Variants in ZSCAN5A observed in about 807,000 individuals in gnomAD.
ZSCAN5A encodes the protein zinc finger and SCAN domain containing 5A, also known as zinc finger and SCAN domain-containing protein 5A.
ZSCAN5A carries 12 observed loss-of-function variants against 23.7 expected under a neutral mutation model. The observed-to-expected ratio is 0.51, with a 90% CI of 0.32 to 0.82. The LOEUF (loss-of-function observed/expected upper bound fraction) is 0.82. ZSCAN5A is among the 40% of genes least tolerant of loss of function. ZSCAN5A has a pLI of 0.03. For missense variants in ZSCAN5A, 597 were observed against 617.9 expected, an observed-to-expected ratio of 0.97 and a Z score of 0.36; for synonymous variants, 257 against 239.9, an observed-to-expected ratio of 1.07 and a Z score of -0.66.
intron 2 of ZSCAN5A, among the ~76,000 whole-genome samples, chr19:56,329,091 G>C (rs914861099): frequency 3.3e-5 from 5 of 152,060 alleles, no homozygotes; most frequent in Non-Finnish European, 7.4e-5. Flanking sequence ...GCTCATACCT[G>C]TAATCCCAGC....
chr19:56,274,643 A>G (rs900041829), intron 2 of ZSCAN5A: 1 of 152,244 alleles, frequency 6.6e-6, no homozygotes, highest in Non-Finnish European at 1.5e-5. Context: ...ACCCAACACC[A>G]GAACAAAACT....
intron 2 of ZSCAN5A, among the ~76,000 whole-genome samples, chr19:56,350,703 T>G (rs763195958): frequency 6.6e-6 from 1 of 152,196 alleles, no homozygotes; most frequent in Non-Finnish European, 1.5e-5. Context: ...TGTCAAACTC[T>G]ACTGTCAGTT....
chr19:56,362,571 AAT>A (rs1240843870), intron 2 of ZSCAN5A, among the ~76,000 whole-genome samples: 4 of 151,628 alleles, frequency 2.6e-5, no homozygotes, highest in African/African-American at 9.7e-5. Flanking sequence ...AATAAAATAA[AAT>A]AAAATAAAAA....
intron 2 of ZSCAN5A, among the ~76,000 whole-genome samples, chr19:56,328,565 C>T (rs1469493711): frequency 6.6e-6 from 1 of 151,396 alleles, no homozygotes; most frequent in Non-Finnish European, 1.5e-5. Flanking sequence ...TCACTTGAAC[C>T]GAGGATTGCA....
At chr19:56,275,579 G>A (rs1044156887) in intron 2 of ZSCAN5A, among the ~76,000 whole-genome samples, 3 of 152,144 alleles carry the variant, frequency 2.0e-5, no homozygotes, top group Admixed American at 2.0e-4. Flanking sequence ...AAAATAGTAA[G>A]AATAAATAAA....
chr19:56,293,291 G>A (rs1271860199), intron 2 of ZSCAN5A, among the ~76,000 whole-genome samples: 2 of 152,136 alleles, frequency 1.3e-5, no homozygotes, highest in African/African-American at 4.8e-5. Context: ...AGGGAGAGTC[G>A]CTTGCTCATG....
intron 2 of ZSCAN5A, among the ~76,000 whole-genome samples, chr19:56,360,439 T>C (rs2041727350): frequency 6.6e-6 from 1 of 152,072 alleles, no homozygotes; most frequent in Admixed American, 6.5e-5. Context: ...CACAAACAAA[T>C]GGAAAAACAT....
chr19:56,281,357 T>TGA (rs66660228), intron 2 of ZSCAN5A, among the ~76,000 whole-genome samples: 1 of 151,942 alleles, frequency 6.6e-6, no homozygotes, highest in Non-Finnish European at 1.5e-5. Context: ...CAACGGTGTG[T>TGA]GTATGTACAC....
chr19:56,332,737 G>A (rs1399389913), intron 2 of ZSCAN5A, among the ~76,000 whole-genome samples: 2 of 152,166 alleles, frequency 1.3e-5, no homozygotes, highest in African/African-American at 4.8e-5. Context: ...TTATTGGGTG[G>A]TTGCTTTATA....
rs903750033 is a variant in ZSCAN5A at position 56,241,711 on chromosome 19, C to T, written c.-127-16538G>A. Reference sequence around the variant, plus strand: ...CATCTCTCCAACTGAAATTTGTACCCTTAGACCTATATCTCCCCAACCCCC... The same window carrying T: ...CATCTCTCCAACTGAAATTTGTACCTTTAGACCTATATCTCCCCAACCCCC... On this transcript the variant is annotated intron_variant, in intron 2 of 5. Transcript: ENST00000683990. Among the ~76,000 whole-genome samples the T allele has an allele frequency of 2.0e-5, 3 of 152,268 alleles. No individual in the cohort carries two copies. In the East Asian group the frequency reaches 5.8e-4, roughly 29 times the overall value.
chr19:56,342,705 G>T (rs2041603203), intron 2 of ZSCAN5A: 3 of 637,950 alleles, frequency 4.7e-6, no homozygotes, highest in Non-Finnish European at 8.7e-6. Flanking sequence ...CTATACATCT[G>T]TTTTTCCTCT....
At chr19:56,244,174 C>G in intron 2 of ZSCAN5A, 3 of 1,611,468 alleles carry the variant, frequency 1.9e-6, no homozygotes, top group East Asian at 2.2e-5. Flanking sequence ...AGACTTGTCA[C>G]GTGAACTTCA....
intron 2 of ZSCAN5A, among the ~76,000 whole-genome samples, chr19:56,232,281 ATAG>A (rs2146502437): frequency 6.6e-6 from 1 of 152,148 alleles, no homozygotes; most frequent in South Asian, 2.1e-4. Flanking sequence ...CAGCCTAGTA[ATAG>A]AATTTTCTAG....
At chr19:56,298,599 G>T (rs2040031650) in intron 2 of ZSCAN5A, among the ~76,000 whole-genome samples, 1 of 151,080 alleles carries the variant, frequency 6.6e-6, no homozygotes, top group East Asian at 1.9e-4. Context: ...GCTGCAGTGA[G>T]CTGAGATCGT....
chr19:56,321,818 T>A, intron 2 of ZSCAN5A: 1 of 1,053,168 alleles, frequency 9.5e-7, no homozygotes, highest in Non-Finnish European at 1.5e-6. Flanking sequence ...CCACCACTTG[T>A]AAACTGGAAG....
At chr19:56,310,715 G>T (rs1249960020) in intron 2 of ZSCAN5A, among the ~76,000 whole-genome samples, 1 of 152,150 alleles carries the variant, frequency 6.6e-6, no homozygotes, top group African/African-American at 2.4e-5. Flanking sequence ...CAGTTGTGAG[G>T]ATATGGCTGT....
chr19:56,299,105 A>G (rs1010680861), intron 2 of ZSCAN5A, among the ~76,000 whole-genome samples: 12 of 152,312 alleles, frequency 7.9e-5, no homozygotes, highest in East Asian at 1.9e-4. Context: ...GTAGATACAG[A>G]AAAAGAATAT....
intron 2 of ZSCAN5A, among the ~76,000 whole-genome samples, chr19:56,276,045 C>T (rs980492663): frequency 2.0e-5 from 3 of 152,216 alleles, no homozygotes; most frequent in Non-Finnish European, 4.4e-5. Context: ...TCTCTCTCTG[C>T]TCCCTGCTCC....
chr19:56,338,729 G>C (rs562268746), intron 2 of ZSCAN5A: 1 of 152,252 alleles, frequency 6.6e-6, no homozygotes, highest in Non-Finnish European at 1.5e-5. Flanking sequence ...TTGGATGAGG[G>C]GGCAAAGGTG....
Sources: allele counts gnomAD v4.1 joint callset (sites outside exome capture counted in the v4.1 genomes callset), GRCh38; gene constraint gnomAD v4.1.1; transcripts MANE v1.5; gene names NCBI Gene and HGNC (gene_info 2026-07-23, HGNC 2026-07-21).